SAMD12: variants seen among roughly 807,000 people sequenced by gnomAD.
SAMD12 encodes the protein sterile alpha motif domain-containing protein 12.
In SAMD12, 9 loss-of-function variants were observed where a neutral mutation model predicts 15.0. That is an observed-to-expected ratio of 0.60 (90% CI 0.36 to 1.05). The LOEUF is 1.05. Among genes scored for constraint, SAMD12 ranks in the 50% least tolerant of loss-of-function variants. The pLI is 0.01. For synonymous variants in SAMD12, 86 were observed against 90.1 expected (o/e 0.96, Z 0.25); for missense variants, 230 against 234.2 (o/e 0.98, Z 0.12).
intron 2 of SAMD12, among the ~76,000 whole-genome samples, chr8:118,468,846 G>A (rs1823673499): frequency 6.6e-6 from 1 of 152,160 alleles, no homozygotes. Flanking sequence ...CCAAGCTAAG[G>A]AGATATAGCA....
At chr8:118,480,585 A>G (rs1824097888) in intron 2 of SAMD12, among the ~76,000 whole-genome samples, 1 of 152,220 alleles carries the variant, frequency 6.6e-6, no homozygotes, top group South Asian at 2.1e-4. Flanking sequence ...TGACAGAGGT[A>G]TAAACTGTTG....
chr8:118,235,462 G>C (rs989450504), intron 4 of SAMD12, among the ~76,000 whole-genome samples: 1 of 152,064 alleles, frequency 6.6e-6, no homozygotes, highest in Non-Finnish European at 1.5e-5. Flanking sequence ...GCCCACCTTG[G>C]CCTCCCAAAG....
intron 4 of SAMD12, among the ~76,000 whole-genome samples, chr8:118,219,338 T>A (rs183800375): frequency 4.6e-5 from 7 of 152,374 alleles, no homozygotes; most frequent in Non-Finnish European, 5.9e-5. Flanking sequence ...CAGAGCTATA[T>A]CAACAATTAT....
chr8:118,495,413 T>C (rs1824581177), intron 2 of SAMD12, among the ~76,000 whole-genome samples: 1 of 152,178 alleles, frequency 6.6e-6, no homozygotes, highest in African/African-American at 2.4e-5. Context: ...TCTCTTTTCT[T>C]CCAAGTTCAG....
intron 2 of SAMD12, among the ~76,000 whole-genome samples, chr8:118,569,871 A>T (rs543262687): frequency 6.6e-6 from 1 of 152,362 alleles, no homozygotes; most frequent in South Asian, 2.1e-4. Flanking sequence ...AATACAGCAT[A>T]TATCTAAGGG....
At chr8:118,543,609 T>TTTTTTC (rs1554582427) in intron 2 of SAMD12, among the ~76,000 whole-genome samples, 2 of 148,914 alleles carry the variant, frequency 1.3e-5, no homozygotes, top group African/African-American at 5.1e-5. Context: ...ATGAGATTTT[T>TTTTTTC]TTTTCTTTTC....
the SAMD12 span, among the ~76,000 whole-genome samples, chr8:118,166,480 G>A: frequency 2.0e-5 from 3 of 151,882 alleles, no homozygotes; most frequent in East Asian, 1.9e-4. Context: ...TTTTTATATC[G>A]CTTCATGTTC....
intron 4 of SAMD12, among the ~76,000 whole-genome samples, chr8:118,281,220 T>C (rs563165450): frequency 1.3e-5 from 2 of 152,058 alleles, no homozygotes; most frequent in African/African-American, 4.8e-5. Context: ...GATTAGGAAA[T>C]AGAAAATGAG....
intron 4 of SAMD12, among the ~76,000 whole-genome samples, chr8:118,328,856 T>A (rs1274697633): frequency 6.6e-6 from 1 of 152,200 alleles, no homozygotes; most frequent in Non-Finnish European, 1.5e-5. Context: ...ACACTAGCCA[T>A]CTTTTTTGTT....
At chr8:118,536,732 T>C (rs1428822748) in intron 2 of SAMD12, among the ~76,000 whole-genome samples, 1 of 152,220 alleles carries the variant, frequency 6.6e-6, no homozygotes, top group Non-Finnish European at 1.5e-5. Flanking sequence ...TTGTACTATG[T>C]ATTGAAAAGT....
chr8:118,393,239 G>T lies in SAMD12; in HGVS notation c.323-13539C>A, dbSNP rs1820376358. Among the ~76,000 whole-genome samples, 4 of 146,070 alleles carry T rather than the reference G, an allele frequency of 2.7e-5. No homozygotes were observed. The South Asian group carries it at 8.7e-4, about 32-fold the overall frequency. On this transcript the variant is annotated intron_variant, in intron 3 of 3. Coordinates refer to ENST00000314727, the MANE Select transcript of SAMD12 (RefSeq NM_207506.3). ...ATTTCTTTTCTCTTTTCGAGAGAAG[G>T]TCTTGCTCTGTCATGTGGGGTGGTA...
At chr8:118,341,533 A>T (rs1437345095) in intron 4 of SAMD12, among the ~76,000 whole-genome samples, 1 of 152,204 alleles carries the variant, frequency 6.6e-6, no homozygotes, top group Non-Finnish European at 1.5e-5. Flanking sequence ...TAAACCACAG[A>T]AATTTATCTC....
chr8:118,428,836 T>C (rs1822315030), intron 3 of SAMD12, among the ~76,000 whole-genome samples: 1 of 152,204 alleles, frequency 6.6e-6, no homozygotes. Context: ...ATTACCTTGG[T>C]TATTGTAATT....
At chr8:118,527,093 T>C (rs1481718690) in intron 2 of SAMD12, among the ~76,000 whole-genome samples, 1 of 152,220 alleles carries the variant, frequency 6.6e-6, no homozygotes, top group Non-Finnish European at 1.5e-5. Context: ...GTTTTCTCCA[T>C]TTGATATTTC....
chr8:118,358,180 T>C (rs73325644), intron 4 of SAMD12, among the ~76,000 whole-genome samples: 5,633 of 152,152 alleles, frequency 0.037, 319 homozygotes, highest in African/African-American at 0.12. Flanking sequence ...ACTTTCCTGT[T>C]TCAGAGCTTA....
intron 2 of SAMD12, among the ~76,000 whole-genome samples, chr8:118,547,626 TC>T (rs1405250042): frequency 1.3e-5 from 2 of 151,732 alleles, no homozygotes; most frequent in African/African-American, 4.9e-5. Context: ...CTAAGAGAAC[TC>T]CAGTCTTTAT....
At chr8:118,516,222 TATTA>T (rs775424285) in intron 2 of SAMD12, among the ~76,000 whole-genome samples, 1 of 152,262 alleles carries the variant, frequency 6.6e-6, no homozygotes, top group Non-Finnish European at 1.5e-5. Flanking sequence ...ATCACACACT[TATTA>T]GTTATTGCCC....
chr8:118,408,825 T>A (rs1821258302), intron 3 of SAMD12, among the ~76,000 whole-genome samples: 1 of 152,176 alleles, frequency 6.6e-6, no homozygotes, highest in Non-Finnish European at 1.5e-5. Context: ...TAGCTCACTT[T>A]GCCTTAGCTC....
exon 5 of SAMD12, chr8:118,193,020 G>C (rs904445643): frequency 3.3e-5 from 5 of 152,208 alleles, no homozygotes; most frequent in African/African-American, 1.2e-4. Flanking sequence ...TTTGCCGTTA[G>C]GCAGGAAGTA....
Sources: allele counts gnomAD v4.1 joint callset (sites outside exome capture counted in the v4.1 genomes callset), GRCh38; gene constraint gnomAD v4.1.1; transcripts MANE v1.5; gene names NCBI Gene and HGNC (gene_info 2026-07-23, HGNC 2026-07-21).